LRBA: variants seen among roughly 807,000 people sequenced by gnomAD.
The protein encoded by LRBA is lipopolysaccharide-responsive and beige-like anchor protein.
A neutral mutation model predicts 330.0 loss-of-function variants in LRBA; 176 were observed. That is an observed-to-expected ratio of 0.53 (90% CI 0.47 to 0.60). The LOEUF (loss-of-function observed/expected upper bound fraction) is 0.60. Ranked by LOEUF, LRBA falls within the 20% of genes least tolerant of loss-of-function variation. LRBA has a pLI of 0.00. For synonymous variants in LRBA, 1,230 were observed against 1,193.0 expected, an observed-to-expected ratio of 1.03 and a Z score of -0.64; for missense variants, 3,259 against 3,444.8, an observed-to-expected ratio of 0.95 and a Z score of 1.35.
At chr4:150,516,217 C>CT (rs869205771) in intron 40 of LRBA, among the ~76,000 whole-genome samples, 2,724 of 29,350 alleles carry the variant, frequency 0.093, 381 homozygotes, top group East Asian at 0.12. Flanking sequence ...TTTCTATTCT[C>CT]TTTTTTTTTT....
chr4:150,675,026 G>A (rs1445397942), intron 37 of LRBA, among the ~76,000 whole-genome samples: 1 of 152,068 alleles, frequency 6.6e-6, no homozygotes, highest in Non-Finnish European at 1.5e-5. Context: ...AGACCAGCCT[G>A]GGCAACATAG....
intron 17 of LRBA, among the ~76,000 whole-genome samples, chr4:150,892,265 A>G (rs147798500): frequency 4.7e-4 from 72 of 152,308 alleles, no homozygotes; most frequent in Non-Finnish European, 8.1e-4. Context: ...TTTGTTGTTG[A>G]TGACTGTAAT....
At chr4:150,297,205 C>T (rs1358333160) in intron 53 of LRBA, among the ~76,000 whole-genome samples, 1 of 152,076 alleles carries the variant, frequency 6.6e-6, no homozygotes, top group Non-Finnish European at 1.5e-5. Flanking sequence ...TGCAACCAAA[C>T]AAGGTAAATA....
At chr4:150,342,189 A>C (rs2127016541) in intron 48 of LRBA, among the ~76,000 whole-genome samples, 1 of 152,192 alleles carries the variant, frequency 6.6e-6, no homozygotes, top group African/African-American at 2.4e-5. Flanking sequence ...TGGGGTTAGA[A>C]AGGCTTAATA....
intron 5 of LRBA, among the ~76,000 whole-genome samples, chr4:150,920,244 A>G (rs1733094780): frequency 6.6e-6 from 1 of 152,170 alleles, no homozygotes; most frequent in African/African-American, 2.4e-5. Flanking sequence ...AGACTGAAAT[A>G]TCTTTTTTAA....
chr4:150,999,352 T>C (rs1478924823), intron 2 of LRBA, among the ~76,000 whole-genome samples: 3 of 152,036 alleles, frequency 2.0e-5, no homozygotes, highest in Admixed American at 6.6e-5. Context: ...AAAAGTAGAT[T>C]CTTCCTCTCC....
At chr4:150,550,395 A>G (rs528634986) in intron 40 of LRBA, among the ~76,000 whole-genome samples, 209 of 152,304 alleles carry the variant, frequency 1.4e-3, no homozygotes, top group African/African-American at 4.8e-3. Flanking sequence ...GGATCTAGGA[A>G]AATTACAAAA....
chr4:150,916,793 A>G, intron 5 of LRBA, 55 bp from the exon 6 acceptor site: 1 of 1,387,882 alleles, frequency 7.2e-7, no homozygotes, highest in Non-Finnish European at 9.7e-7. Context: ...TCTTATTAAA[A>G]TCATGAAAAT....
chr4:150,471,791 A>G lies in LRBA; in HGVS notation c.6552-52T>C, dbSNP rs78153031. ...ATGATTAATTATATCACAATAATAA[A>G]TCATGAATTATCTGTGCTTATTCAT... On this transcript the variant is annotated intron_variant, in intron 42 of 56. Transcript: ENST00000651943. The G allele has an allele frequency of 5.5e-3, 4,612 of 837,840 alleles. 128 individuals carry two copies. The African/African-American group carries it at 0.06, about 11-fold the overall frequency. The allele number at this position is 837,840 out of a possible 1,614,324, so 51.9% of individuals were successfully genotyped here.
intron 22 of LRBA, among the ~76,000 whole-genome samples, chr4:150,853,461 T>C (rs935618732): frequency 6.6e-6 from 1 of 152,202 alleles, no homozygotes; most frequent in African/African-American, 2.4e-5. Flanking sequence ...CAAATTCTTT[T>C]AGCAATGGGA....
chr4:150,417,200 A>C (rs1210090524), intron 46 of LRBA, among the ~76,000 whole-genome samples: 1 of 152,114 alleles, frequency 6.6e-6, no homozygotes, highest in Non-Finnish European at 1.5e-5. Context: ...TCCTGAATAC[A>C]TATATCTTTC....
chr4:150,845,241 G>T (rs1391991402), intron 26 of LRBA, among the ~76,000 whole-genome samples: 1 of 152,084 alleles, frequency 6.6e-6, no homozygotes, highest in African/African-American at 2.4e-5. Context: ...AGTTAAACTG[G>T]AAACTTTGAT....
chr4:150,735,951 G>A (rs917887163), intron 35 of LRBA, among the ~76,000 whole-genome samples: 2 of 152,098 alleles, frequency 1.3e-5, no homozygotes, highest in Non-Finnish European at 2.9e-5. Context: ...TTTGGTGATT[G>A]GTATTTAGGT....
intron 2 of LRBA, among the ~76,000 whole-genome samples, chr4:150,991,814 TA>T (rs1450794809): frequency 6.6e-6 from 1 of 152,202 alleles, no homozygotes. Context: ...CATACCTTAA[TA>T]AACCTGACTT....
At chr4:150,409,204 C>G (rs1044983594) in intron 47 of LRBA, among the ~76,000 whole-genome samples, 3 of 152,016 alleles carry the variant, frequency 2.0e-5, no homozygotes, top group African/African-American at 7.2e-5. Flanking sequence ...AAGACAGCCA[C>G]ATATAAGCCA....
At chr4:150,470,596 G>A (rs1190113602) in intron 43 of LRBA, among the ~76,000 whole-genome samples, 2 of 151,978 alleles carry the variant, frequency 1.3e-5, no homozygotes, top group Non-Finnish European at 2.9e-5. Flanking sequence ...TAGAAAGTCT[G>A]CCGGCACAGT....
intron 2 of LRBA, among the ~76,000 whole-genome samples, chr4:151,009,760 C>A (rs1452072105): frequency 6.6e-6 from 1 of 151,946 alleles, no homozygotes; most frequent in Non-Finnish European, 1.5e-5. Context: ...GCGGGTGGAT[C>A]ACGAGGTCAG....
intron 44 of LRBA, among the ~76,000 whole-genome samples, chr4:150,457,586 C>T (rs1754242072): frequency 6.6e-6 from 1 of 151,738 alleles, no homozygotes; most frequent in Non-Finnish European, 1.5e-5. Context: ...GAAGTTGATA[C>T]ATGCAAGTAT....
At chr4:150,611,666 A>G (rs1775274665) in intron 37 of LRBA, among the ~76,000 whole-genome samples, 1 of 152,222 alleles carries the variant, frequency 6.6e-6, no homozygotes, top group South Asian at 2.1e-4. Flanking sequence ...GACTAAGGGT[A>G]AGGAGTTACA....
Sources: allele counts gnomAD v4.1 joint callset (sites outside exome capture counted in the v4.1 genomes callset), GRCh38; gene constraint gnomAD v4.1.1; transcripts MANE v1.5; gene names NCBI Gene and HGNC (gene_info 2026-07-23, HGNC 2026-07-21).